Variants in NPAS3 observed in about 807,000 individuals in gnomAD.
NPAS3 encodes the protein neuronal PAS domain protein 3, also known as neuronal PAS domain-containing protein 3.
NPAS3 carries 14 observed loss-of-function variants against 73.1 expected under a neutral mutation model. The ratio of observed to expected loss-of-function variants is 0.19; its 90% CI spans 0.13 to 0.30. The LOEUF is 0.30. Ranked by LOEUF, NPAS3 falls within the 10% of genes least tolerant of loss-of-function variation. The pLI is 1.00. For missense variants in NPAS3, 1,096 were observed against 1,250.0 expected, an observed-to-expected ratio of 0.88 and a Z score of 1.86; for synonymous variants, 620 against 541.5, an observed-to-expected ratio of 1.14 and a Z score of -2.01.
At chr14:33,512,840 A>G (rs1352763016) in intron 4 of NPAS3, among the ~76,000 whole-genome samples, 1 of 152,050 alleles carries the variant, frequency 6.6e-6, no homozygotes, top group African/African-American at 2.4e-5. Context: ...TATTTTACAG[A>G]TGAGAGAAAA....
At chr14:33,645,092 A>T (rs1450043407) in intron 5 of NPAS3, among the ~76,000 whole-genome samples, 1 of 152,000 alleles carries the variant, frequency 6.6e-6, no homozygotes, top group East Asian at 1.9e-4. Flanking sequence ...AAAAAAAAAA[A>T]AAAAGAAAGA....
chr14:32,946,346 G>GCACA lies in NPAS3; in HGVS notation c.50+6981_50+6982insACAC, dbSNP rs5807694. 3.2e-3 allele frequency among the ~76,000 whole-genome samples: 422 copies of GCACA among 131,962 alleles called. 3 individuals carry two copies. Among genetic ancestry groups the GCACA allele is most frequent in the African/African-American group, 0.011 (365 of 34,508 alleles). 86.6% of individuals were successfully genotyped at this position (131,962 alleles called of 152,430 possible). On this transcript the variant is annotated intron_variant, in intron 1 of 11. Coordinates refer to ENST00000356141, the Ensembl canonical transcript of NPAS3. The stretch of plus-strand genomic sequence containing the variant: ...CCCCATCCCCCCAACACACACACAC[G>GCACA]CGCACACACACACACACACACACAC...
chr14:33,680,685 A>T (rs1343105984), intron 6 of NPAS3: 1 of 701,136 alleles, frequency 1.4e-6, no homozygotes, highest in African/African-American at 1.8e-5. Flanking sequence ...TACTTCAGAG[A>T]GAACTCAGCC....
intron 6 of NPAS3, among the ~76,000 whole-genome samples, chr14:33,713,884 C>T (rs1280418420): frequency 6.6e-6 from 1 of 152,194 alleles, no homozygotes; most frequent in Non-Finnish European, 1.5e-5. Flanking sequence ...TCCTCCCAAA[C>T]TCTGCTGTGT....
chr14:33,681,389 CCA>C (rs989378899), intron 6 of NPAS3, among the ~76,000 whole-genome samples: 1 of 152,120 alleles, frequency 6.6e-6, no homozygotes, highest in Non-Finnish European at 1.5e-5. Flanking sequence ...ACATCCAACC[CCA>C]GTCCCCAGAC....
At position 33,436,269 on chromosome 14, in the gene NPAS3, T is replaced by A. The variant is rs138779290; in HGVS notation, c.468+69001T>A. On this transcript the variant is annotated intron_variant, in intron 4 of 11. Transcript: ENST00000356141. ...GATGCATGCAAATGTTATCTCTAAG[T>A]AAGACAAATTAAACATAGACATGTG... Among the ~76,000 whole-genome samples, 1,351 of 152,286 alleles carry A rather than the reference T, an allele frequency of 8.9e-3. 43 individuals are homozygous for A. Among genetic ancestry groups the A allele is most frequent in the Admixed American group, 0.056 (853 of 15,288 alleles).
At chr14:33,268,919 A>C (rs1184498077) in intron 3 of NPAS3, among the ~76,000 whole-genome samples, 2 of 152,156 alleles carry the variant, frequency 1.3e-5, no homozygotes, top group Non-Finnish European at 2.9e-5. Flanking sequence ...TTGCCTCTCT[A>C]ATTCACATCT....
intron 6 of NPAS3, among the ~76,000 whole-genome samples, chr14:33,731,184 T>G (rs1444975981): frequency 6.6e-6 from 1 of 152,072 alleles, no homozygotes; most frequent in African/African-American, 2.4e-5. Context: ...ATCTCAGCAC[T>G]TGGAGGGGCC....
chr14:33,673,065 C>A (rs1367892655), intron 5 of NPAS3, among the ~76,000 whole-genome samples: 1 of 152,218 alleles, frequency 6.6e-6, no homozygotes, highest in East Asian at 1.9e-4. Context: ...TTAGTGCCTT[C>A]TTTTGGCCAA....
At chr14:33,239,276 G>C (rs1195103241) in intron 3 of NPAS3, among the ~76,000 whole-genome samples, 1 of 151,806 alleles carries the variant, frequency 6.6e-6, no homozygotes, top group Non-Finnish European at 1.5e-5. Flanking sequence ...TGTACTTATA[G>C]AAAACCACTT....
intron 5 of NPAS3, among the ~76,000 whole-genome samples, chr14:33,662,035 G>T (rs1391992192): frequency 6.6e-6 from 1 of 152,176 alleles, no homozygotes; most frequent in Non-Finnish European, 1.5e-5. Context: ...AATTCAGAAG[G>T]CACAACACTA....
chr14:33,372,587 G>A (rs2046139271), intron 4 of NPAS3, among the ~76,000 whole-genome samples: 1 of 152,168 alleles, frequency 6.6e-6, no homozygotes, highest in Non-Finnish European at 1.5e-5. Context: ...CACTGACTGT[G>A]ACCAATATTA....
chr14:33,666,241 A>G (rs1288970027), intron 5 of NPAS3, among the ~76,000 whole-genome samples: 1 of 152,154 alleles, frequency 6.6e-6, no homozygotes, highest in Non-Finnish European at 1.5e-5. Context: ...AGAAGAGTGT[A>G]ATACACCACC....
At chr14:33,771,373 C>T (rs989640609) in intron 7 of NPAS3, among the ~76,000 whole-genome samples, 2 of 152,182 alleles carry the variant, frequency 1.3e-5, no homozygotes, top group African/African-American at 4.8e-5. Context: ...TTTGACATTT[C>T]TTGACAACTA....
chr14:33,118,555 A>G (rs2043136782), intron 2 of NPAS3, among the ~76,000 whole-genome samples: 1 of 152,156 alleles, frequency 6.6e-6, no homozygotes, highest in Non-Finnish European at 1.5e-5. Flanking sequence ...TCTATCTACA[A>G]ATTAAAACAA....
chr14:33,448,695 ATC>A (rs1313763866), intron 4 of NPAS3, among the ~76,000 whole-genome samples: 2 of 152,222 alleles, frequency 1.3e-5, no homozygotes, highest in Non-Finnish European at 2.9e-5. Context: ...AATGAGGAAC[ATC>A]TCTCTGCCAT....
intron 1 of NPAS3, among the ~76,000 whole-genome samples, chr14:32,986,341 A>G (rs1048656873): frequency 1.3e-5 from 2 of 152,160 alleles, no homozygotes; most frequent in African/African-American, 4.8e-5. Context: ...TAGTCTCTTT[A>G]ATTTAAAATA....
chr14:33,735,417 C>A, intron 7 of NPAS3, 85 bp downstream of exon 7: 2 of 922,938 alleles, frequency 2.2e-6, no homozygotes, highest in Non-Finnish European at 3.6e-6. Context: ...GCTTTAGGTC[C>A]ATATAATGAA....
chr14:33,098,859 A>G (rs1383941705), intron 2 of NPAS3, among the ~76,000 whole-genome samples: 1 of 152,226 alleles, frequency 6.6e-6, no homozygotes, highest in Non-Finnish European at 1.5e-5. Flanking sequence ...AACTGCTATT[A>G]ACTGAAGTTT....
Sources: allele counts gnomAD v4.1 joint callset (sites outside exome capture counted in the v4.1 genomes callset), GRCh38; gene constraint gnomAD v4.1.1; transcripts MANE v1.5; gene names NCBI Gene and HGNC (gene_info 2026-07-23, HGNC 2026-07-21).